LRP1B: variants seen among roughly 807,000 people sequenced by gnomAD.
LRP1B encodes low-density lipoprotein receptor-related protein 1B.
Under a neutral mutation model 556.6 loss-of-function variants are expected in LRP1B, and 217 were observed. The ratio of observed to expected loss-of-function variants is 0.39; its 90% CI spans 0.35 to 0.44. The LOEUF (loss-of-function observed/expected upper bound fraction) is 0.44, where lower values mean the gene tolerates loss of function less well. Among genes scored for constraint, LRP1B ranks in the 20% least tolerant of loss-of-function variants. LRP1B has a pLI of 1.00. For missense variants in LRP1B, 5,053 were observed against 5,620.8 expected, an observed-to-expected ratio of 0.90 and a Z score of 3.23; for synonymous variants, 2,047 against 1,865.8, an observed-to-expected ratio of 1.10 and a Z score of -2.50.
intron 2 of LRP1B, among the ~76,000 whole-genome samples, chr2:141,710,641 C>T (rs562200671): frequency 2.6e-5 from 4 of 152,084 alleles, no homozygotes; most frequent in East Asian, 3.9e-4. Flanking sequence ...TAATGATTTC[C>T]GAAATAAAGC....
intron 3 of LRP1B, among the ~76,000 whole-genome samples, chr2:141,264,006 C>T (rs1684796616): frequency 6.6e-6 from 1 of 152,132 alleles, no homozygotes; most frequent in African/African-American, 2.4e-5. Context: ...AATGATTTTG[C>T]CCTTGAAACA....
At chr2:141,787,314 G>C (rs1695458846) in intron 2 of LRP1B, among the ~76,000 whole-genome samples, 1 of 151,902 alleles carries the variant, frequency 6.6e-6, no homozygotes. Flanking sequence ...TGTATTCATA[G>C]TCGCACCAAA....
chr2:141,198,406 G>C (rs79471138), intron 6 of LRP1B, among the ~76,000 whole-genome samples: 1 of 152,014 alleles, frequency 6.6e-6, no homozygotes, highest in Non-Finnish European at 1.5e-5. Context: ...TCTATGCTCC[G>C]ATCCTGTTTC....
intron 3 of LRP1B, among the ~76,000 whole-genome samples, chr2:141,348,488 A>G (rs543057695): frequency 4.7e-4 from 71 of 152,130 alleles, no homozygotes; most frequent in Admixed American, 3.7e-3. Context: ...AATTAGTATT[A>G]TTAATATCAT....
At chr2:140,760,038 G>A (rs1176512359) in intron 35 of LRP1B, among the ~76,000 whole-genome samples, 1 of 152,124 alleles carries the variant, frequency 6.6e-6, no homozygotes, top group Non-Finnish European at 1.5e-5. Context: ...ATGGTTGGAA[G>A]AAGTTTCTGG....
At chr2:141,894,987 G>A (rs1448118602) in intron 1 of LRP1B, among the ~76,000 whole-genome samples, 1 of 147,886 alleles carries the variant, frequency 6.8e-6, no homozygotes, top group Non-Finnish European at 1.5e-5. Context: ...GGCGGAGGTT[G>A]CAGTGAGTTG....
intron 3 of LRP1B, among the ~76,000 whole-genome samples, chr2:141,304,517 C>T (rs1448130687): frequency 1.5e-4 from 21 of 141,784 alleles, no homozygotes; most frequent in African/African-American, 5.3e-4. Context: ...TCTCGTTCTG[C>T]CACCCAGGCT....
intron 2 of LRP1B, among the ~76,000 whole-genome samples, chr2:141,772,171 C>T (rs1000327742): frequency 1.3e-5 from 2 of 152,096 alleles, no homozygotes; most frequent in Non-Finnish European, 2.9e-5. Context: ...GGGAAGAGGG[C>T]TTTCACTCAA....
intron 62 of LRP1B, among the ~76,000 whole-genome samples, chr2:140,452,726 GTTAC>G (rs1686933073): frequency 6.6e-6 from 1 of 151,956 alleles, no homozygotes; most frequent in Admixed American, 6.6e-5. Context: ...TTAGAATACT[GTTAC>G]TTTCTTCAAA....
intron 2 of LRP1B, among the ~76,000 whole-genome samples, chr2:141,804,720 G>C (rs1260774402): frequency 1.3e-5 from 2 of 151,996 alleles, no homozygotes; most frequent in African/African-American, 2.4e-5. Context: ...GGCAGATGGG[G>C]TATAGAGTGG....
At chr2:140,389,541 A>G (rs1489077711) in intron 66 of LRP1B, among the ~76,000 whole-genome samples, 1 of 150,950 alleles carries the variant, frequency 6.6e-6, no homozygotes, top group Non-Finnish European at 1.5e-5. Context: ...ATCAATGAAA[A>G]AAATGCCTAT....
chr2:140,807,278 G>A (rs754205660), intron 32 of LRP1B, among the ~76,000 whole-genome samples: 17 of 152,210 alleles, frequency 1.1e-4, no homozygotes, highest in Middle Eastern at 3.4e-3. Flanking sequence ...TTAAAATAAT[G>A]TAGGAAACTG....
At chr2:141,886,249 A>G (rs1279315801) in intron 1 of LRP1B, among the ~76,000 whole-genome samples, 3 of 152,126 alleles carry the variant, frequency 2.0e-5, no homozygotes, top group African/African-American at 7.2e-5. Flanking sequence ...TTATTTTTTC[A>G]GTTGTTAGTA....
At chr2:140,579,153 G>T (rs1160505760) in intron 43 of LRP1B, among the ~76,000 whole-genome samples, 1 of 152,086 alleles carries the variant, frequency 6.6e-6, no homozygotes. Flanking sequence ...GACACTTCGG[G>T]AGAACAAAAT....
At chr2:141,434,703 A>T (rs1680689394) in intron 3 of LRP1B, among the ~76,000 whole-genome samples, 1 of 152,050 alleles carries the variant, frequency 6.6e-6, no homozygotes, top group Non-Finnish European at 1.5e-5. Flanking sequence ...GACATTTTAG[A>T]TATTGTAGCA....
At chr2:140,640,421 C>T (rs501737) in intron 41 of LRP1B, among the ~76,000 whole-genome samples, 1 of 84,682 alleles carries the variant, frequency 1.2e-5, no homozygotes, top group African/African-American at 4.8e-5. Context: ...TTTGAGATGG[C>T]GTCTCGCTCT....
intron 62 of LRP1B, among the ~76,000 whole-genome samples, chr2:140,455,434 G>GAATAGATTATAAT (rs1687057610): frequency 6.6e-6 from 1 of 152,034 alleles, no homozygotes; most frequent in Non-Finnish European, 1.5e-5. Context: ...TCTGTATATG[G>GAATAGATTATAAT]CATAGAAATA....
At position 141,633,057 on chromosome 2, in the gene LRP1B, G is replaced by A. The variant is rs543138304; in HGVS notation, c.206-152524C>T. Among the ~76,000 whole-genome samples, 6 of 152,052 alleles carry A rather than the reference G, an allele frequency of 3.9e-5. No homozygotes were observed. The South Asian group carries it at 1.0e-3, about 26-fold the overall frequency. On this transcript the variant is annotated intron_variant, in intron 2 of 90. Transcript: ENST00000389484. ...CAAACTGACATTCATTGTCAAATTCGGAAATTTCCACCTGAATGGTATTTT... is the reference window on the plus strand; with the variant it reads ...CAAACTGACATTCATTGTCAAATTCAGAAATTTCCACCTGAATGGTATTTT...
chr2:140,823,058 T>C (rs1399059939), intron 31 of LRP1B, among the ~76,000 whole-genome samples: 1 of 152,184 alleles, frequency 6.6e-6, no homozygotes, highest in Non-Finnish European at 1.5e-5. Context: ...GGTTCTACCA[T>C]ATGAAACCAT....
Sources: gnomAD v4.1 joint callset for allele counts (sites outside exome capture counted in the v4.1 genomes callset) on GRCh38, gnomAD v4.1.1 for gene constraint, MANE v1.5 for transcripts, NCBI Gene and HGNC (gene_info 2026-07-23, HGNC 2026-07-21) for gene names.